EML6: variants seen among roughly 807,000 people sequenced by gnomAD.
The protein encoded by EML6 is EMAP like 6.
Under a neutral mutation model 240.1 loss-of-function variants are expected in EML6, and 154 were observed. That is an observed-to-expected ratio of 0.64 (90% CI 0.56 to 0.73). The LOEUF (loss-of-function observed/expected upper bound fraction) is 0.73, where lower values mean the gene tolerates loss of function less well. Ranked by LOEUF, EML6 falls within the 30% of genes least tolerant of loss-of-function variation. EML6 has a pLI of 0.00. For missense variants in EML6, 2,964 were observed against 2,474.6 expected (o/e 1.20, Z -4.20); for synonymous variants, 1,148 against 899.0 (o/e 1.28, Z -4.95).
chr2:54,905,704 A>G (rs775424875), intron 24 of EML6, among the ~76,000 whole-genome samples: 3 of 152,144 alleles, frequency 2.0e-5, no homozygotes, highest in Non-Finnish European at 4.4e-5. Flanking sequence ...CATTTCCCCA[A>G]CACCTGGCAT....
At position 54,844,182 on chromosome 2, in the gene EML6, T is replaced by C. The variant is rs1404139493; in HGVS notation, c.983T>C (p.Leu328Pro). ...LILQGHCEGE[L>P]WALALHPKKP... is the part of the protein sequence containing the mutation. The stretch of plus-strand genomic sequence containing the variant: ...CTACAGGGCCACTGCGAGGGTGAGC[T>C]CTGGGCTCTGGCCCTGCACCCCAAG... Residue 328 changes from leucine to proline, a missense_variant, in exon 8 of 42, where the codon CTC becomes CCC. Coordinates refer to ENST00000356458, the MANE Select transcript of EML6 (RefSeq NM_001039753.4). 1 of 1,551,726 alleles carries C rather than the reference T, an allele frequency of 6.4e-7. No individual in the cohort carries two copies.
intron 2 of EML6, among the ~76,000 whole-genome samples, chr2:54,731,059 G>A (rs1683143312): frequency 6.6e-6 from 1 of 152,194 alleles, no homozygotes; most frequent in Admixed American, 6.5e-5. Flanking sequence ...GCTCTCTAGG[G>A]AGATGGCATT....
rs971979323 is a variant in EML6 at position 54,971,896 on chromosome 2, G to C, written c.*1801G>C. 1 of 152,206 alleles carries C rather than the reference G, an allele frequency of 6.6e-6. No individual in the cohort carries two copies. The highest frequency in any genetic ancestry group is 1.5e-5 in the Non-Finnish European group (1 of 68,028). 9.4% of individuals were successfully genotyped at this position (152,206 alleles called of 1,614,324 possible). A position where few individuals can be genotyped will look rare whatever the true frequency, so the allele number is the denominator to read the frequency against. ...TTATATGGTATGATTTTGATTTTAT[G>C]TATGTTCATAAATCCTGCACTGTAT... On this transcript the variant is annotated 3_prime_UTR_variant, in exon 42 of 42. Coordinates refer to ENST00000356458, the MANE Select transcript of EML6 (RefSeq NM_001039753.4).
intron 2 of EML6, among the ~76,000 whole-genome samples, chr2:54,812,957 G>A (rs554639384): frequency 1.1e-4 from 16 of 152,150 alleles, no homozygotes; most frequent in African/African-American, 3.4e-4. Context: ...CTATACAGAC[G>A]ATTTTAAATT....
intron 26 of EML6, 97 bp downstream of exon 26, chr2:54,917,032 A>T: frequency 1.1e-6 from 1 of 879,934 alleles, no homozygotes; most frequent in South Asian, 2.0e-5. Context: ...AGTCATAAGC[A>T]ATTCACATTA....
At chr2:54,882,479 A>G (rs1310726596) in intron 17 of EML6, 2 of 152,140 alleles carry the variant, frequency 1.3e-5, no homozygotes, top group Non-Finnish European at 2.9e-5. Flanking sequence ...GACTAGGGGA[A>G]CAATGAATAG....
chr2:54,916,145 A>C (rs530110348), intron 25 of EML6, among the ~76,000 whole-genome samples: 1 of 152,354 alleles, frequency 6.6e-6, no homozygotes, highest in African/African-American at 2.4e-5. Flanking sequence ...AGCTTGCTGC[A>C]GAATCTTATT....
intron 2 of EML6, among the ~76,000 whole-genome samples, chr2:54,752,835 C>A (rs1426592345): frequency 6.6e-6 from 1 of 152,200 alleles, no homozygotes; most frequent in African/African-American, 2.4e-5. Flanking sequence ...GTCACCCAGG[C>A]TGGAGTGCAG....
chr2:54,937,064 G>C (rs2104428617), intron 28 of EML6, among the ~76,000 whole-genome samples: 1 of 151,140 alleles, frequency 6.6e-6, no homozygotes, highest in South Asian at 2.1e-4. Context: ...TGGATCACCA[G>C]AGGTCAGGAG....
intron 28 of EML6, among the ~76,000 whole-genome samples, chr2:54,944,558 C>T (rs1675585495): frequency 6.6e-6 from 1 of 152,182 alleles, no homozygotes; most frequent in Non-Finnish European, 1.5e-5. Flanking sequence ...TTACGCCACC[C>T]TTTGTACTCT....
At chr2:54,782,897 A>C (rs1157059693) in intron 2 of EML6, among the ~76,000 whole-genome samples, 1 of 152,172 alleles carries the variant, frequency 6.6e-6, no homozygotes, top group Non-Finnish European at 1.5e-5. Context: ...TCGTAAAGAG[A>C]AGAAAAGGTT....
At chr2:54,789,354 A>G (rs1018885202) in intron 2 of EML6, among the ~76,000 whole-genome samples, 3 of 150,910 alleles carry the variant, frequency 2.0e-5, no homozygotes, top group African/African-American at 7.4e-5. Context: ...TCTACTAAAA[A>G]TACAAAAAAA....
Position 54,829,472 on chromosome 2 carries a change from A to G in EML6, c.842A>G (p.Tyr281Cys), listed in dbSNP as rs943385437. The change falls in exon 7 of 42, where the codon TAC becomes TGC. Residue 281 changes from tyrosine to cysteine, a missense_variant. Physicochemically the swap from Tyr to Cys is radical, Grantham distance 194. Transcript: ENST00000356458. ...GATCTCAGGGAGACAGAACAAGGAT[A>G]CAAAGGTAATATATGTGTTAAGCTT... The part of the protein sequence containing the change: ...KIDLRETEQG[Y>C]KGLSIRSVCW... 6.4e-7 allele frequency: 1 copy of G among 1,551,070 alleles called. No homozygotes were observed. The highest frequency in any genetic ancestry group is 8.7e-7 in the Non-Finnish European group (1 of 1,146,152).
chr2:54,905,321 GACACACACACACACACAC>G (rs70944194), intron 24 of EML6, among the ~76,000 whole-genome samples: 224 of 121,654 alleles, frequency 1.8e-3, no homozygotes, highest in African/African-American at 4.7e-3. Flanking sequence ...TTTAGAATCC[GACACACACACACACACAC>G]ACACACACAC....
intron 2 of EML6, among the ~76,000 whole-genome samples, chr2:54,756,544 T>C (rs1667739171): frequency 6.6e-6 from 1 of 152,174 alleles, no homozygotes; most frequent in Non-Finnish European, 1.5e-5. Context: ...TTCTCTTGTA[T>C]TTGGGCAGTA....
chr2:54,880,989 A>G (rs573206194), intron 17 of EML6: 37 of 152,282 alleles, frequency 2.4e-4, no homozygotes, highest in African/African-American at 8.9e-4. Flanking sequence ...TATATTTTAT[A>G]TACTTGTTGG....
At chr2:54,828,748 A>G (rs1668718394) in intron 6 of EML6, among the ~76,000 whole-genome samples, 1 of 152,242 alleles carries the variant, frequency 6.6e-6, no homozygotes, top group Non-Finnish European at 1.5e-5. Context: ...GCACTTTTGA[A>G]CAAACCAAAT....
chr2:54,903,411 T>G lies in EML6; in HGVS notation c.3318T>G (p.Phe1106Leu). The change falls in exon 24 of 42, where the codon TTT becomes TTG. Residue 1106 changes from phenylalanine (F) to leucine (L), a missense_variant. Transcript: ENST00000356458. ...KYLAVASHDN[F>L]VDIYNVLTSK... ...TTGCCGTGGCATCCCATGATAACTT[T>G]GTGGATATTTACAACGTACTTACAA... 1 of 1,551,866 alleles carries G rather than the reference T, an allele frequency of 6.4e-7. No homozygotes were observed. The highest frequency in any genetic ancestry group is 8.7e-7 in the Non-Finnish European group (1 of 1,146,996).
At chr2:54,893,415 C>G (rs1286557785) in intron 19 of EML6, among the ~76,000 whole-genome samples, 3 of 151,968 alleles carry the variant, frequency 2.0e-5, no homozygotes, top group Non-Finnish European at 2.9e-5. Context: ...TGGGAGGGTC[C>G]GAAATCATCC....
Sources: gnomAD v4.1 joint callset for allele counts (sites outside exome capture counted in the v4.1 genomes callset) on GRCh38, gnomAD v4.1.1 for gene constraint, MANE v1.5 for transcripts, NCBI Gene and HGNC (gene_info 2026-07-23, HGNC 2026-07-21) for gene names.